MEGF6: variants seen among roughly 807,000 people sequenced by gnomAD.
The protein encoded by MEGF6 is multiple epidermal growth factor-like domains protein 6.
MEGF6 carries 184 observed loss-of-function variants against 207.1 expected under a neutral mutation model. That is an observed-to-expected ratio of 0.89 (90% confidence interval 0.79 to 1.00). The LOEUF is 1.00. Among genes scored for constraint, MEGF6 ranks in the 50% least tolerant of loss-of-function variants. MEGF6 has a pLI of 0.00. For missense variants in MEGF6, 2,282 were observed against 2,202.9 expected, an observed-to-expected ratio of 1.04 and a Z score of -0.72; for synonymous variants, 1,038 against 910.0, an observed-to-expected ratio of 1.14 and a Z score of -2.53.
At chr1:3,495,402 T>C (rs2821034) in intron 30 of MEGF6, among the ~76,000 whole-genome samples, 78,760 of 152,080 alleles carry the variant, frequency 0.52, 23,486 homozygotes, top group African/African-American at 0.81. Flanking sequence ...TGGGCCTGTC[T>C]GAGCAGGAGC....
intron 2 of MEGF6, among the ~76,000 whole-genome samples, chr1:3,600,651 T>A (rs961531327): frequency 2.6e-5 from 4 of 152,138 alleles, no homozygotes; most frequent in Admixed American, 1.3e-4. Context: ...CACAGCTGGA[T>A]TCAGCCTCCA....
At chr1:3,595,216 C>G in intron 3 of MEGF6, 122 bp downstream of exon 3, 1 of 665,778 alleles carries the variant, frequency 1.5e-6, no homozygotes, top group Non-Finnish European at 2.6e-6. Context: ...GCGAGTGTTC[C>G]CTGAGTCTCT....
intron 3 of MEGF6, among the ~76,000 whole-genome samples, chr1:3,589,655 G>C (rs1643945236): frequency 6.6e-6 from 1 of 152,212 alleles, no homozygotes; most frequent in Admixed American, 6.5e-5. Flanking sequence ...AGCCCCAGGA[G>C]GTCAGGGCAG....
rs1440097078 is a variant in MEGF6 at position 3,579,839 on chromosome 1, G to A, written c.467C>T (p.Pro156Leu). 9 of 1,528,712 alleles carry A rather than the reference G, an allele frequency of 5.9e-6. No individual in the cohort carries two copies. The highest frequency in any genetic ancestry group is 7.0e-6 in the Non-Finnish European group (8 of 1,144,406). 94.7% of individuals were successfully genotyped at this position (1,528,712 alleles called of 1,614,324 possible). ...GCTCCACTCACCATACTGACAGCGG[G>A]GTCCCTGGAAGCCGGGGGGACAGTG... ...PCHCPPGFQG[P>L]RCQYDVDECR... is the part of the protein sequence containing the mutation. The change falls in exon 4 of 37, where the codon CCC (proline) becomes CTC (leucine). Residue 156 changes from proline (P) to leucine (L), a missense_variant. Transcript: ENST00000356575.
chr1:3,498,233 G>A (rs1220163548), intron 26 of MEGF6, 138 bp downstream of exon 26: 32 of 1,126,424 alleles, frequency 2.8e-5, no homozygotes, highest in South Asian at 3.4e-5. Context: ...GTGCTCCGAC[G>A]GCAGCTCTTG....
At chr1:3,500,398 T>C (rs1025571140) in intron 21 of MEGF6, among the ~76,000 whole-genome samples, 4 of 152,276 alleles carry the variant, frequency 2.6e-5, no homozygotes, top group Admixed American at 2.6e-4. Context: ...CAGTGGGGGC[T>C]GGGAAAGCTC....
chr1:3,538,992 G>T (rs890715920), intron 4 of MEGF6, among the ~76,000 whole-genome samples: 20 of 152,198 alleles, frequency 1.3e-4, no homozygotes, highest in African/African-American at 4.6e-4. Flanking sequence ...GATCCGGGAG[G>T]CTTCCTGGAG....
At chr1:3,511,502 C>G in intron 9 of MEGF6, 48 bp downstream of exon 9, 1 of 1,559,274 alleles carries the variant, frequency 6.4e-7, no homozygotes, top group Non-Finnish European at 8.7e-7. Flanking sequence ...AGGGCAGCAG[C>G]GGGTCCCTGG....
intron 2 of MEGF6, among the ~76,000 whole-genome samples, chr1:3,598,565 C>A (rs1281506599): frequency 6.6e-6 from 1 of 152,186 alleles, no homozygotes; most frequent in East Asian, 1.9e-4. Flanking sequence ...CGCTGACCAC[C>A]CCCTCCATCC....
rs1641071821 is a variant in MEGF6, at chr1:3,505,393, C to CA, written c.2053+28_2053+29insT. On this transcript the variant is annotated intron_variant, in intron 16 of 36. Transcript: ENST00000356575. ...TGGGGTTAACCGACCCTGGCGCCCC[C>CA]CGCCCCCAGACCCCATGCCTGGACT... 5.0e-6 allele frequency: 8 copies of CA among 1,599,364 alleles called. No individual in the cohort carries two copies. In the Admixed American group the frequency reaches 1.4e-4, roughly 28 times the overall value.
rs1043733861 is a variant in MEGF6, at chr1:3,573,440, T to C, written c.481+6385A>G. Among the ~76,000 whole-genome samples the C allele has an allele frequency of 3.3e-5, 5 of 152,184 alleles. No homozygotes were observed. The highest frequency in any genetic ancestry group is 4.8e-5 in the African/African-American group (2 of 41,446). ...AGCACGGGAAACAGTGCGGGGAGCC[T>C]GGAACTACAGCCCAGGACCAGGGTC... On this transcript the variant is annotated intron_variant, in intron 4 of 36. Transcript: ENST00000356575. This position sits in a 1 kb window ranked among gnomAD's most constrained non-coding sequence, Gnocchi z 5.1.
chr1:3,547,350 T>C (rs1306775229), intron 4 of MEGF6, among the ~76,000 whole-genome samples: 1 of 152,126 alleles, frequency 6.6e-6, no homozygotes, highest in African/African-American at 2.4e-5. Flanking sequence ...AGGTGGCCTC[T>C]CCCCGGGCCT....
At position 3,515,405 on chromosome 1, in the gene MEGF6, C is replaced by A; in HGVS notation, c.727G>T (p.Val243Phe). Residue 243 changes from valine to phenylalanine, a missense_variant, in exon 6 of 37, where the codon GTC becomes TTC. By Grantham distance (50) the Val-to-Phe change is conservative. Coordinates refer to ENST00000356575, the MANE Select transcript of MEGF6 (RefSeq NM_001409.4). ...FQLQEDGRHCVRRSPCANRNG... is the reference protein window; with the variant it reads ...FQLQEDGRHCFRRSPCANRNG... ...CTCCCAGGCTGGCAGCACTCACGGA[C>A]ACAATGCCTGCCGTCCTCCTGGAGC... 6.2e-7 allele frequency: 1 copy of A among 1,611,270 alleles called. No individual in the cohort carries two copies. Among genetic ancestry groups the A allele is most frequent in the Non-Finnish European group, 8.5e-7 (1 of 1,179,360 alleles).
Position 3,507,825 on chromosome 1 carries a change from G to C in MEGF6, c.1759C>G (p.Pro587Ala). The C allele has an allele frequency of 6.2e-7, 1 of 1,612,804 alleles. No homozygotes were observed. The highest frequency in any genetic ancestry group is 8.5e-7 in the Non-Finnish European group (1 of 1,179,918). The change falls in exon 14 of 37, where the codon CCG becomes GCG. Residue 587 changes from proline to alanine, a missense_variant. By Grantham distance (27) the Pro-to-Ala change is conservative (BLOSUM62 -1). Coordinates refer to ENST00000356575, the MANE Select transcript of MEGF6 (RefSeq NM_001409.4). ...TCACAGTTAGTTCCACTGACACCCG[G>C]GGGGCAGCGGCAGGCCCCCGTGACA... ...DSVTGACRCP[P>A]GVSGTNCEDG...
chr1:3,578,325 C>A (rs1002756155), intron 4 of MEGF6, among the ~76,000 whole-genome samples: 3 of 152,222 alleles, frequency 2.0e-5, no homozygotes, highest in African/African-American at 7.2e-5. Context: ...GACGGAAAGG[C>A]CCTCGGGACA....
In MEGF6 at chr1:3,569,663, G is replaced by A. The variant is rs1013249913; in HGVS notation, c.481+10162C>T. ...GCACAGGGAGCCAAGAGGCCTGGTC[G>A]TCCTCTGAACAGTGTTGAAGTGGCC... On this transcript the variant is annotated intron_variant, in intron 4 of 36. Coordinates refer to ENST00000356575, the MANE Select transcript of MEGF6 (RefSeq NM_001409.4). 2.2e-4 allele frequency among the ~76,000 whole-genome samples: 34 copies of A among 152,244 alleles called. 1 individual carries two copies. Among genetic ancestry groups the A allele is most frequent in the Admixed American group, 1.9e-3 (29 of 15,288 alleles).
chr1:3,520,549 C>T (rs537936620), intron 5 of MEGF6, among the ~76,000 whole-genome samples: 14 of 152,194 alleles, frequency 9.2e-5, no homozygotes, highest in Admixed American at 3.9e-4. Context: ...CCCCAGAGAC[C>T]GGGCGCCCTG....
chr1:3,547,203 G>A (rs368491334), intron 4 of MEGF6: 6 of 152,740 alleles, frequency 3.9e-5, no homozygotes, highest in African/African-American at 1.2e-4. Flanking sequence ...AGGCCTCAGA[G>A]GGATGAGGCT....
intron 5 of MEGF6, among the ~76,000 whole-genome samples, chr1:3,523,269 T>A (rs966014841): frequency 6.6e-6 from 1 of 152,168 alleles, no homozygotes; most frequent in African/African-American, 2.4e-5. Context: ...AGTCCCGTCC[T>A]TGCTTGGGGC....
Sources: gnomAD v4.1 joint callset for allele counts (sites outside exome capture counted in the v4.1 genomes callset) on GRCh38, gnomAD v4.1.1 for gene constraint, Gnocchi (gnomAD v3.1) non-coding constraint, MANE v1.5 for transcripts, NCBI Gene and HGNC (gene_info 2026-07-23, HGNC 2026-07-21) for gene names.